The following NOC3L variants were observed in gnomAD, a reference collection of about 807,000 sequenced individuals.
NOC3L encodes the protein NOC3 like DNA replication regulator, also known as nucleolar complex protein 3 homolog.
A neutral mutation model predicts 102.5 loss-of-function variants in NOC3L; 85 were observed. The ratio of observed to expected loss-of-function variants is 0.83; its 90% CI spans 0.70 to 0.99. The LOEUF is 0.99. Ranked by LOEUF, NOC3L falls within the 50% of genes least tolerant of loss-of-function variation. NOC3L has a pLI of 0.00. For missense variants in NOC3L, 878 were observed against 914.9 expected (o/e 0.96, Z 0.52); for synonymous variants, 303 against 309.4 (o/e 0.98, Z 0.22).
At chr10:94,329,458 T>C (rs927227426), downstream of NOC3L, 4 of 152,168 alleles carry the variant, frequency 2.6e-5, no homozygotes, top group African/African-American at 9.6e-5. Context: ...CCCATGTGTT[T>C]CTTGCATATT....
Position 94,362,898 on chromosome 10 carries a change from A to T in NOC3L, c.-60T>A. The T allele has an allele frequency of 1.2e-6, 2 of 1,613,678 alleles. No homozygotes were observed. Among genetic ancestry groups the T allele is most frequent in the Non-Finnish European group, 1.7e-6 (2 of 1,179,896 alleles). ...TCACCAGAAGCAGGGTTACTACAGA[A>T]ATCCCGGGGAATGACACACGTGCCG... On this transcript the variant is annotated 5_prime_UTR_variant, in exon 1 of 21. Transcript: ENST00000371361.
the NOC3L span, among the ~76,000 whole-genome samples, chr10:94,322,761 G>A: frequency 2.6e-5 from 4 of 151,896 alleles, no homozygotes; most frequent in Non-Finnish European, 5.9e-5. Flanking sequence ...CGTCAGCCTG[G>A]GCAACAAGAG....
chr10:94,315,588 G>A, the NOC3L span: 9 of 439,564 alleles, frequency 2.0e-5, no homozygotes, highest in South Asian at 1.3e-4. Flanking sequence ...GGCCAACATG[G>A]TGAAACCCTG....
intron 6 of NOC3L, among the ~76,000 whole-genome samples, chr10:94,353,285 G>A (rs753409826): frequency 6.6e-6 from 1 of 152,200 alleles, no homozygotes; most frequent in Admixed American, 6.5e-5. Context: ...AAATGCCTGA[G>A]GCTGGATAAT....
intron 6 of NOC3L, among the ~76,000 whole-genome samples, chr10:94,354,469 G>T (rs1433757098): frequency 1.3e-5 from 2 of 152,138 alleles, no homozygotes; most frequent in East Asian, 3.9e-4. Context: ...TAGTTCATGT[G>T]TTATAACCAT....
chr10:94,354,821 ACT>A (rs2054463662), intron 6 of NOC3L, 140 bp downstream of exon 6: 2 of 705,322 alleles, frequency 2.8e-6, no homozygotes, highest in Non-Finnish European at 4.6e-6. Flanking sequence ...GATTCTGTCT[ACT>A]CTCTTACTCT....
At chr10:94,326,759 G>A in the NOC3L span, among the ~76,000 whole-genome samples, 1 of 152,232 alleles carries the variant, frequency 6.6e-6, no homozygotes, top group Admixed American at 6.5e-5. Flanking sequence ...CCTGTAGCAA[G>A]TAGATATTTA....
intron 6 of NOC3L, 140 bp from the exon 7 acceptor site, chr10:94,353,197 C>A (rs1313581707): frequency 2.0e-5 from 13 of 650,554 alleles, no homozygotes; most frequent in Non-Finnish European, 3.1e-5. Context: ...AAACTCCAGA[C>A]CCTGCTCACT....
At chr10:94,321,140 C>T in the NOC3L span, among the ~76,000 whole-genome samples, 1 of 152,210 alleles carries the variant, frequency 6.6e-6, no homozygotes, top group African/African-American at 2.4e-5. Context: ...AGCCTTGTCA[C>T]TGCAGTTTTG....
At chr10:94,336,753 A>T (rs1483016382) in intron 19 of NOC3L, among the ~76,000 whole-genome samples, 2 of 151,340 alleles carry the variant, frequency 1.3e-5, no homozygotes, top group Non-Finnish European at 2.9e-5. Flanking sequence ...TAACTTAAGT[A>T]TTTCCTGTCT....
the NOC3L span, chr10:94,327,925 T>C: frequency 6.4e-4 from 331 of 517,676 alleles, no homozygotes; most frequent in African/African-American, 5.9e-3. Flanking sequence ...TTCTGTTTCT[T>C]CATTTTCAGT....
chr10:94,352,337 A>G lies in NOC3L; in HGVS notation c.925T>C (p.Leu309=), dbSNP rs761797744. 3 of 1,613,286 alleles carry G rather than the reference A, an allele frequency of 1.9e-6. No individual in the cohort carries two copies. Among genetic ancestry groups the G allele is most frequent in the Admixed American group, 3.3e-5 (2 of 59,984 alleles). Residue 309 remains leucine (L), a synonymous_variant, in exon 8 of 21, where the codon TTG becomes CTG. Transcript: ENST00000371361. ...TTAACCATTTGTTCCAGATTTTCCAAATAAAACTTGTATTGGCTAACCAGG... is the reference window on the plus strand; with the variant it reads ...TTAACCATTTGTTCCAGATTTTCCAGATAAAACTTGTATTGGCTAACCAGG... ...EGLVSQYKFY[L]ENLEQMVKDW...
downstream of NOC3L, chr10:94,329,059 G>A (rs926586660): frequency 2.0e-5 from 3 of 152,226 alleles, no homozygotes; most frequent in African/African-American, 7.2e-5. Flanking sequence ...TGGATTAGAA[G>A]CATTAGTTCT....
chr10:94,323,623 G>A, the NOC3L span, among the ~76,000 whole-genome samples: 1 of 152,188 alleles, frequency 6.6e-6, no homozygotes, highest in African/African-American at 2.4e-5. Context: ...TATGTAAGAT[G>A]TTTAATACAA....
Position 94,362,840 on chromosome 10 carries a change from C to G in NOC3L, c.-2G>C. Reference sequence around the variant, plus strand: ...TTTGAGGACACTTACCGCCTTCATCCTTAGGCCTTAAATGAATGCCGGCCA... The same window carrying G: ...TTTGAGGACACTTACCGCCTTCATCGTTAGGCCTTAAATGAATGCCGGCCA... On this transcript the variant is annotated 5_prime_UTR_variant, in exon 1 of 21. Transcript: ENST00000371361. 3.1e-6 allele frequency: 5 copies of G among 1,614,100 alleles called. No individual in the cohort carries two copies. The highest frequency in any genetic ancestry group is 4.2e-6 in the Non-Finnish European group (5 of 1,180,048).
rs1408521710 is a variant in NOC3L at position 94,333,839 on chromosome 10, C to A, written c.*338G>T. On this transcript the variant is annotated 3_prime_UTR_variant, in exon 21 of 21. Transcript: ENST00000371361. ...GTCTTGATTTTTCTGTGCTCTATGC[C>A]CTAATTTTAATATAGCAACTGCACT... 1.2e-5 allele frequency: 2 copies of A among 164,858 alleles called. No individual in the cohort carries two copies. Among genetic ancestry groups the A allele is most frequent in the African/African-American group, 4.8e-5 (2 of 41,942 alleles). 10.2% of individuals were successfully genotyped at this position (164,858 alleles called of 1,614,324 possible).
At chr10:94,316,568 A>G in the NOC3L span, 1 of 1,608,148 alleles carries the variant, frequency 6.2e-7, no homozygotes, top group Non-Finnish European at 8.5e-7. Flanking sequence ...TGAACAAGAC[A>G]TCAAACCTGT....
the NOC3L span, chr10:94,324,805 G>C: frequency 7.4e-7 from 1 of 1,351,330 alleles, no homozygotes; most frequent in Non-Finnish European, 1.1e-6. Flanking sequence ...CTAGAGAGAA[G>C]AGGAAAGCGC....
intron 5 of NOC3L, 108 bp downstream of exon 5, chr10:94,356,427 G>A: frequency 1.4e-6 from 1 of 712,070 alleles, no homozygotes; most frequent in East Asian, 2.6e-5. Context: ...CTTGAAATGA[G>A]CAGTACTCCA....
Sources: allele counts gnomAD v4.1 joint callset (sites outside exome capture counted in the v4.1 genomes callset), GRCh38; gene constraint gnomAD v4.1.1; transcripts MANE v1.5; gene names NCBI Gene and HGNC (gene_info 2026-07-23, HGNC 2026-07-21).